C19orf38: variants seen among roughly 807,000 people sequenced by gnomAD.
C19orf38 encodes chromosome 19 open reading frame 38, also known as protein HIDE1.
A neutral mutation model predicts 26.6 loss-of-function variants in C19orf38; 14 were observed. The ratio of observed to expected loss-of-function variants is 0.53; its 90% CI spans 0.35 to 0.82. The LOEUF (loss-of-function observed/expected upper bound fraction) is 0.82. Ranked by LOEUF, C19orf38 falls within the 40% of genes least tolerant of loss-of-function variation. The pLI is 0.01. For synonymous variants in C19orf38, 132 were observed against 128.5 expected (o/e 1.03, Z -0.18); for missense variants, 261 against 299.5 (o/e 0.87, Z 0.95).
intron 3 of C19orf38, among the ~76,000 whole-genome samples, chr19:10,857,894 A>AAAAGAAAG (rs111685154): frequency 0.057 from 8,176 of 142,444 alleles, 310 homozygotes; most frequent in Non-Finnish European, 0.081. Flanking sequence ...AAACAACAAA[A>AAAAGAAAG]AAAGAAAGAA....
At chr19:10,844,993 C>CAAAAAAAAAAAAAAAAAAAA (rs57500129), upstream of C19orf38, among the ~76,000 whole-genome samples, 1 of 95,802 alleles carries the variant, frequency 1.0e-5, no homozygotes, top group Non-Finnish European at 2.2e-5. Context: ...CCTTTCTCTA[C>CAAAAAAAAAAAAAAAAAAAA]AAAAAAAAAA....
intron 2 of C19orf38, among the ~76,000 whole-genome samples, chr19:10,851,925 G>A (rs1177638420): frequency 2.7e-5 from 4 of 147,786 alleles, no homozygotes; most frequent in East Asian, 4.1e-4. Context: ...CCGAGATTGC[G>A]CCACTGCAGT....
intron 4 of C19orf38, 138 bp downstream of exon 4, chr19:10,858,481 T>A: frequency 1.3e-6 from 1 of 796,908 alleles, no homozygotes; most frequent in Non-Finnish European, 2.0e-6. Flanking sequence ...GAGCCATTTA[T>A]TAAGTGCCTC....
chr19:10,844,075 C>G (rs1453032581), upstream of C19orf38, among the ~76,000 whole-genome samples: 1 of 151,352 alleles, frequency 6.6e-6, no homozygotes, highest in Non-Finnish European at 1.5e-5. Flanking sequence ...GATTGCGCCA[C>G]TGCACTCCAG....
intron 6 of C19orf38, among the ~76,000 whole-genome samples, chr19:10,863,964 A>T (rs1056895683): frequency 1.3e-5 from 2 of 152,128 alleles, no homozygotes; most frequent in Non-Finnish European, 2.9e-5. Flanking sequence ...AGGCTACCCC[A>T]AAATGTAGCT....
chr19:10,852,347 C>G (rs1266327503), intron 2 of C19orf38, among the ~76,000 whole-genome samples: 2 of 152,110 alleles, frequency 1.3e-5, no homozygotes, highest in Non-Finnish European at 2.9e-5. Flanking sequence ...GGCTGACATT[C>G]CAGGCGGATG....
chr19:10,868,394 A>T (rs538695841), intron 6 of C19orf38, among the ~76,000 whole-genome samples: 31 of 152,210 alleles, frequency 2.0e-4, no homozygotes, highest in African/African-American at 7.2e-4. Context: ...TAGCAAATTC[A>T]TCTCTCTTTA....
rs546863936 is a variant in C19orf38, at chr19:10,838,583, C to T, written c.-69+1813C>T. ...CGGCCTCGTTGTCTTGAGTAACACC[C>T]GGGGTCGTTGTCTCACAGCCACGAA... is the stretch of plus-strand genomic sequence containing the variant. On this transcript the variant is annotated intron_variant, in intron 1 of 7. Transcript: ENST00000592854. Among the ~76,000 whole-genome samples the T allele has an allele frequency of 3.8e-4, 58 of 152,146 alleles. No homozygotes were observed. In the Middle Eastern group the frequency reaches 0.014, roughly 36 times the overall value.
intron 1 of C19orf38, among the ~76,000 whole-genome samples, chr19:10,837,502 C>CTTT (rs2073443327): frequency 2.5e-5 from 3 of 117,750 alleles, no homozygotes; most frequent in Non-Finnish European, 3.6e-5. Context: ...ATTTTTTTTT[C>CTTT]CTTTTTTTTT....
chr19:10,842,640 C>A (rs2073486731), intron 1 of C19orf38, among the ~76,000 whole-genome samples: 2 of 152,082 alleles, frequency 1.3e-5, no homozygotes, highest in African/African-American at 4.8e-5. Flanking sequence ...AGGAACCTGA[C>A]TCAGGAGGAT....
At chr19:10,842,815 C>T (rs927692509) in intron 1 of C19orf38, among the ~76,000 whole-genome samples, 3 of 152,278 alleles carry the variant, frequency 2.0e-5, no homozygotes, top group Admixed American at 6.5e-5. Flanking sequence ...CTTTGCCAGC[C>T]GGGGACATCT....
chr19:10,860,887 G>C (rs1228253195), intron 5 of C19orf38, among the ~76,000 whole-genome samples: 1 of 150,040 alleles, frequency 6.7e-6, no homozygotes, highest in Non-Finnish European at 1.5e-5. Flanking sequence ...GCTCACGCCT[G>C]TAATCCCAGC....
chr19:10,850,320 G>A lies in C19orf38; in HGVS notation c.93G>A (p.Glu31=), dbSNP rs145427182. The A allele has an allele frequency of 0.023, 35,418 of 1,551,262 alleles. 497 individuals carry two copies. Among genetic ancestry groups the A allele is most frequent in the Middle Eastern group, 0.027 (154 of 5,804 alleles). ...RLVPPYPSSQ[E]DPIHIACMAP... is the part of the protein sequence containing the mutation. ...TGCCCCCGTACCCAAGCAGCCAAGA[G>A]GACCCCATCCACATCGCATGCATGG... Residue 31 remains glutamate, a synonymous_variant, in exon 2 of 7, where the codon GAG becomes GAA. Coordinates refer to ENST00000397820, the MANE Select transcript of C19orf38 (RefSeq NM_001136482.3).
chr19:10,860,782 A>G (rs190420215), intron 5 of C19orf38, among the ~76,000 whole-genome samples: 417 of 149,014 alleles, frequency 2.8e-3, no homozygotes, highest in African/African-American at 0.01. Context: ...CAGAGCTTGC[A>G]GTGAGCCCAG....
intron 2 of C19orf38, among the ~76,000 whole-genome samples, chr19:10,852,295 A>G (rs1472928464): frequency 6.6e-6 from 1 of 152,160 alleles, no homozygotes; most frequent in African/African-American, 2.4e-5. Context: ...AGCACTTACT[A>G]TGGACCAAGA....
At chr19:10,845,821 G>C, upstream of C19orf38, among the ~76,000 whole-genome samples, 1 of 150,578 alleles carries the variant, frequency 6.6e-6, no homozygotes, top group East Asian at 2.0e-4. Context: ...AGAGCTTGCA[G>C]TGAGCCGAGA....
rs1237050550 is a variant in C19orf38 at position 10,869,364 on chromosome 19, G to A, written c.690G>A (p.Gln230=). ...AATTCAGCACTTTCCGGGCCTGCCA[G>A]TGAGGCTGAGGACTGGGGGACCCCT... ...TPEFSTFRAC[Q] Residue 230 remains glutamine, a synonymous_variant, in exon 7 of 7, where the codon CAG becomes CAA. Transcript: ENST00000397820. 3 of 1,549,852 alleles carry A rather than the reference G, an allele frequency of 1.9e-6. No individual in the cohort carries two copies. In the South Asian group the frequency reaches 3.6e-5, roughly 18 times the overall value.
chr19:10,857,353 TATATATATATATA>T (rs2073637372), intron 3 of C19orf38, among the ~76,000 whole-genome samples: 2 of 80,200 alleles, frequency 2.5e-5, no homozygotes, highest in African/African-American at 2.0e-4. Flanking sequence ...TATATATATA[TATATATATATATA>T]TTTTTTTTTT....
At chr19:10,867,377 G>T (rs2073762160) in intron 6 of C19orf38, among the ~76,000 whole-genome samples, 1 of 150,700 alleles carries the variant, frequency 6.6e-6, no homozygotes, top group African/African-American at 2.4e-5. Context: ...GGCCAAGGCG[G>T]GCAGATCACC....
Sources: gnomAD v4.1 joint callset for allele counts (sites outside exome capture counted in the v4.1 genomes callset) on GRCh38, gnomAD v4.1.1 for gene constraint, MANE v1.5 for transcripts, NCBI Gene and HGNC (gene_info 2026-07-23, HGNC 2026-07-21) for gene names.